Variants in VPS13D observed in about 807,000 individuals in gnomAD.
VPS13D encodes vacuolar protein sorting 13 homolog D.
A neutral mutation model predicts 461.9 loss-of-function variants in VPS13D; 187 were observed. The ratio of observed to expected loss-of-function variants is 0.40; its 90% CI spans 0.36 to 0.46. VPS13D has a LOEUF of 0.46. VPS13D is among the 20% of genes least tolerant of loss of function. The pLI is 0.60. For missense variants in VPS13D, 4,711 were observed against 5,364.9 expected (o/e 0.88, Z 3.81); for synonymous variants, 1,951 against 1,986.3 (o/e 0.98, Z 0.47).
intron 60 of VPS13D, among the ~76,000 whole-genome samples, chr1:12,387,857 T>C (rs900635554): frequency 1.3e-5 from 2 of 152,178 alleles, no homozygotes; most frequent in African/African-American, 2.4e-5. Context: ...GGAATAAAGA[T>C]AAGAATGACA....
Position 12,276,078 on chromosome 1 carries a change from A to G in VPS13D, c.2490A>G (p.Arg830=), listed in dbSNP as rs1641602352. 1.2e-6 allele frequency: 2 copies of G among 1,614,024 alleles called. No individual in the cohort carries two copies. The highest frequency in any genetic ancestry group is 1.7e-6 in the Non-Finnish European group (2 of 1,180,034). The change falls in exon 19 of 70, where the codon CGA becomes CGG. Residue 830 remains arginine, a synonymous_variant. Coordinates refer to ENST00000620676, the MANE Select transcript of VPS13D (RefSeq NM_015378.4). The surrounding 1 kb of genome is among the most constrained non-coding windows in gnomAD (Gnocchi z 4.5). ...SFMDLQIMVG[R]VKDNWKHVQD... ...TGGACCTCCAGATCATGGTTGGACG[A>G]GTGAAAGACAATTGGAAGCATGTCC... is the stretch of plus-strand genomic sequence containing the variant.
At chr1:12,382,008 TCTTCCTTCCTTC>T (rs529283157) in intron 57 of VPS13D, among the ~76,000 whole-genome samples, 4 of 144,958 alleles carry the variant, frequency 2.8e-5, no homozygotes, top group African/African-American at 1.0e-4. Flanking sequence ...TTCCTTCCTT[TCTTCCTTCCTTC>T]CTTCCTTTCT....
At chr1:12,351,422 C>T (rs1435223845) in intron 46 of VPS13D, among the ~76,000 whole-genome samples, 1 of 152,026 alleles carries the variant, frequency 6.6e-6, no homozygotes, top group Non-Finnish European at 1.5e-5. Flanking sequence ...TCCTGAGTAG[C>T]TGGGATTACA....
At chr1:12,411,510 A>G (rs1161765102) in intron 63 of VPS13D, among the ~76,000 whole-genome samples, 1 of 138,264 alleles carries the variant, frequency 7.2e-6, no homozygotes, top group Non-Finnish European at 1.6e-5. Context: ...GGATAGAGAG[A>G]AGGGGGAGGA....
chr1:12,285,988 C>T (rs1466782352), intron 21 of VPS13D, among the ~76,000 whole-genome samples: 1 of 68,624 alleles, frequency 1.5e-5, no homozygotes, highest in Non-Finnish European at 3.2e-5. Flanking sequence ...CTTTCCTTTC[C>T]TTTCCTCTCC....
At chr1:12,481,757 A>T (rs1292396486) in intron 67 of VPS13D, among the ~76,000 whole-genome samples, 1 of 152,222 alleles carries the variant, frequency 6.6e-6, no homozygotes, top group Non-Finnish European at 1.5e-5. Context: ...ATCAGAAAGG[A>T]CAGTCTGTAA....
At chr1:12,430,409 A>G (rs796675922) in intron 65 of VPS13D, among the ~76,000 whole-genome samples, 12 of 152,182 alleles carry the variant, frequency 7.9e-5, no homozygotes, top group African/African-American at 2.9e-4. Flanking sequence ...GCTCTTTTCA[A>G]AGACCATACT....
At chr1:12,371,692 C>T (rs1644119979) in intron 54 of VPS13D, among the ~76,000 whole-genome samples, 1 of 152,060 alleles carries the variant, frequency 6.6e-6, no homozygotes, top group Admixed American at 6.6e-5. Context: ...TGCTCCTGGC[C>T]CATTTTTTTT....
At chr1:12,385,182 A>G (rs1644334735) in intron 58 of VPS13D, 78 bp from the exon 59 acceptor site, 4 of 1,147,376 alleles carry the variant, frequency 3.5e-6, no homozygotes, top group Middle Eastern at 4.0e-4. Context: ...CTTTTGACCT[A>G]CACAGTTGTT....
chr1:12,394,151 TC>T (rs1180286084), intron 60 of VPS13D, among the ~76,000 whole-genome samples: 1 of 152,176 alleles, frequency 6.6e-6, no homozygotes, highest in Non-Finnish European at 1.5e-5. Flanking sequence ...CTCAAGGGGA[TC>T]CGGCCTCCCC....
At chr1:12,411,827 A>T (rs1038919004) in intron 63 of VPS13D, among the ~76,000 whole-genome samples, 2 of 152,318 alleles carry the variant, frequency 1.3e-5, no homozygotes, top group South Asian at 2.1e-4. Flanking sequence ...CTGTCAGCAG[A>T]ACCCCTTTCC....
At chr1:12,296,786 T>C (rs1053383647) in intron 24 of VPS13D, among the ~76,000 whole-genome samples, 1 of 152,172 alleles carries the variant, frequency 6.6e-6, no homozygotes, top group Admixed American at 6.5e-5. Flanking sequence ...AGAATTGTTG[T>C]GTGCATTTAA....
intron 60 of VPS13D, among the ~76,000 whole-genome samples, chr1:12,387,987 GA>G (rs1160970175): frequency 5.3e-5 from 8 of 152,026 alleles, no homozygotes; most frequent in Non-Finnish European, 8.8e-5. Context: ...CAGGCAGAAG[GA>G]AAAAAATAGT....
In VPS13D at chr1:12,276,476, G is replaced by A. The variant is rs1557680204; in HGVS notation, c.2888G>A (p.Cys963Tyr). The A allele has an allele frequency of 6.2e-7, 1 of 1,614,190 alleles. No homozygotes were observed. Among genetic ancestry groups the A allele is most frequent in the African/African-American group, 1.3e-5 (1 of 75,062 alleles). The change falls in exon 19 of 70, where the codon TGT becomes TAT. Residue 963 changes from cysteine (C) to tyrosine (Y), a missense_variant. Cys to Tyr is a radical substitution (Grantham distance 194). Around this residue, in one of 3 missense-constraint regions of VPS13D, gnomAD observed 4,411 missense variants for 4,937.8 expected, o/e 0.89. Transcript: ENST00000620676. This position sits in a 1 kb window ranked among gnomAD's most constrained non-coding sequence, Gnocchi z 4.5. ...CTCCTGGCGGAATTTAAAGTGAACT[G>A]TATGCAGCTTGGTGTTGAGAGCAAT... is the stretch of plus-strand genomic sequence containing the variant. ...QLLLAEFKVN[C>Y]MQLGVESNGR... is the part of the protein sequence containing the mutation.
intron 65 of VPS13D, among the ~76,000 whole-genome samples, chr1:12,451,121 C>T (rs925698846): frequency 1.3e-5 from 2 of 152,224 alleles, no homozygotes; most frequent in African/African-American, 4.8e-5. Context: ...AACAGAGGAA[C>T]ACAGTGTGAA....
chr1:12,289,902 C>T (rs1367950303), intron 22 of VPS13D, among the ~76,000 whole-genome samples: 1 of 151,808 alleles, frequency 6.6e-6, no homozygotes, highest in African/African-American at 2.4e-5. Context: ...TGCCACTGCA[C>T]TGTAGCCTGG....
At chr1:12,431,178 C>T (rs1422195237) in intron 65 of VPS13D, among the ~76,000 whole-genome samples, 1 of 152,182 alleles carries the variant, frequency 6.6e-6, no homozygotes, top group African/African-American at 2.4e-5. Flanking sequence ...TATTTAACCC[C>T]ATCTTGTATT....
chr1:12,258,942 C>T (rs539617467), intron 10 of VPS13D, among the ~76,000 whole-genome samples: 21 of 152,268 alleles, frequency 1.4e-4, no homozygotes, highest in African/African-American at 4.8e-4. Context: ...TTTGCTAATG[C>T]TTTTATCATC....
chr1:12,276,731 A>G lies in VPS13D; in HGVS notation c.3143A>G (p.Asn1048Ser), dbSNP rs1023571670. ...GCCCAGTCTCCTGTCTCTGGACCGAATGTGGCCCACTTAACTGATGGAGCT... is the reference window on the plus strand; with the variant it reads ...GCCCAGTCTCCTGTCTCTGGACCGAGTGTGGCCCACTTAACTGATGGAGCT... ...SRAQSPVSGP[N>S]VAHLTDGATL... is the part of the protein sequence containing the mutation. The change falls in exon 19 of 70, where the codon AAT becomes AGT. Residue 1048 changes from asparagine (N) to serine (S), a missense_variant. Around this residue, in one of 3 missense-constraint regions of VPS13D, gnomAD observed 4,411 missense variants for 4,937.8 expected, o/e 0.89. Coordinates refer to ENST00000620676, the MANE Select transcript of VPS13D (RefSeq NM_015378.4). The surrounding 1 kb of genome is among the most constrained non-coding windows in gnomAD (Gnocchi z 4.5). The G allele has an allele frequency of 1.2e-6, 2 of 1,614,162 alleles. No individual in the cohort carries two copies. The highest frequency in any genetic ancestry group is 1.3e-5 in the African/African-American group (1 of 75,042).
Sources: allele counts gnomAD v4.1 joint callset (sites outside exome capture counted in the v4.1 genomes callset), GRCh38; gene constraint gnomAD v4.1.1; regional missense constraint gnomAD v4.1.1; non-coding constraint Gnocchi (gnomAD v3.1); transcripts MANE v1.5; gene names NCBI Gene and HGNC (gene_info 2026-07-23, HGNC 2026-07-21).